SDK1: variants seen among roughly 807,000 people sequenced by gnomAD.
SDK1 encodes sidekick cell adhesion molecule 1.
A neutral mutation model predicts 245.5 loss-of-function variants in SDK1; 157 were observed. The observed-to-expected ratio is 0.64, with a 90% CI of 0.56 to 0.73. SDK1 has a LOEUF of 0.73. Among genes scored for constraint, SDK1 ranks in the 30% least tolerant of loss-of-function variants. The pLI is 0.00. For synonymous variants in SDK1, 1,647 were observed against 1,278.5 expected, an observed-to-expected ratio of 1.29 and a Z score of -6.15; for missense variants, 3,583 against 3,002.3, an observed-to-expected ratio of 1.19 and a Z score of -4.52.
At chr7:3,401,351 T>C (rs1778882553) in intron 1 of SDK1, among the ~76,000 whole-genome samples, 1 of 152,170 alleles carries the variant, frequency 6.6e-6, no homozygotes, top group Non-Finnish European at 1.5e-5. Flanking sequence ...ATTACAATTT[T>C]CCTGTTTACT....
Position 3,746,522 on chromosome 7 carries a change from C to T in SDK1, c.714-74928C>T, listed in dbSNP as rs548557550. On this transcript the variant is annotated intron_variant, in intron 4 of 44. Transcript: ENST00000404826. Reference sequence around the variant, plus strand: ...ACGTCTTCCAAAATTGGAGTCACTCCTCTCAAATCCTGCTGCTGCTTTATC... The same window carrying T: ...ACGTCTTCCAAAATTGGAGTCACTCTTCTCAAATCCTGCTGCTGCTTTATC... Among the ~76,000 whole-genome samples, 10 of 152,308 alleles carry T rather than the reference C, an allele frequency of 6.6e-5. No individual in the cohort carries two copies. The East Asian group carries it at 1.4e-3, about 21-fold the overall frequency.
chr7:3,361,519 T>C (rs1475158362), intron 1 of SDK1, among the ~76,000 whole-genome samples: 1 of 152,220 alleles, frequency 6.6e-6, no homozygotes, highest in Non-Finnish European at 1.5e-5. Context: ...CCACATCTTC[T>C]CTATTTGTTC....
At chr7:3,330,975 A>G (rs1234889298) in intron 1 of SDK1, among the ~76,000 whole-genome samples, 3 of 151,876 alleles carry the variant, frequency 2.0e-5, no homozygotes, top group African/African-American at 7.3e-5. Flanking sequence ...CTTAAAAAAC[A>G]TAAAAATAGG....
Position 4,130,046 on chromosome 7 carries a change from G to A in SDK1, c.4078G>A (p.Gly1360Arg). 1 of 1,612,860 alleles carries A rather than the reference G, an allele frequency of 6.2e-7. No individual in the cohort carries two copies. The highest frequency in any genetic ancestry group is 8.5e-7 in the Non-Finnish European group (1 of 1,179,454). Residue 1360 changes from glycine to arginine, a missense_variant, in exon 27 of 45, where the codon GGG becomes AGG. By Grantham distance (125) the Gly-to-Arg change is moderately radical (BLOSUM62 -2). Coordinates refer to ENST00000404826, the MANE Select transcript of SDK1 (RefSeq NM_152744.4). ...ELQVLAFTRI[G>R]NGVPSTPLIL... Reference sequence around the variant, plus strand: ...CCAGGTGCTGGCGTTCACCCGCATCGGGAACGGGGTCCCCAGCACGCCCCT... The same window carrying A: ...CCAGGTGCTGGCGTTCACCCGCATCAGGAACGGGGTCCCCAGCACGCCCCT...
In SDK1 at chr7:3,385,462, T is replaced by C. The variant is rs563891672; in HGVS notation, c.298+83578T>C. ...ATATTTTTTTACTGTTAGCAGACAA[T>C]AATTTTTTTTCTACTGTTTAAAAAC... On this transcript the variant is annotated intron_variant, in intron 1 of 44. Transcript: ENST00000404826. 2.0e-5 allele frequency among the ~76,000 whole-genome samples: 3 copies of C among 152,224 alleles called. No homozygotes were observed. In the South Asian group the frequency reaches 6.2e-4, roughly 32 times the overall value.
chr7:3,596,072 G>A (rs991045540), intron 1 of SDK1, among the ~76,000 whole-genome samples: 7 of 151,618 alleles, frequency 4.6e-5, no homozygotes, highest in African/African-American at 1.5e-4. Context: ...TAATTGTTAG[G>A]TAGCACAGAT....
rs184216333 is a variant in SDK1 at position 4,091,862 on chromosome 7, C to A, written c.3324+12278C>A. 3.0e-3 allele frequency among the ~76,000 whole-genome samples: 461 copies of A among 152,226 alleles called. 3 individuals are homozygous for A. The highest frequency in any genetic ancestry group is 0.011 in the African/African-American group (446 of 41,530). ...CAGCCCCCTCTTCTCATTCTTAATG[C>A]CGGAATTCTGGCCACACGTTCTTCT... On this transcript the variant is annotated intron_variant, in intron 22 of 44. Coordinates refer to ENST00000404826, the MANE Select transcript of SDK1 (RefSeq NM_152744.4).
At chr7:3,826,964 C>T (rs1779790736) in intron 5 of SDK1, among the ~76,000 whole-genome samples, 1 of 152,162 alleles carries the variant, frequency 6.6e-6, no homozygotes, top group African/African-American at 2.4e-5. Flanking sequence ...ATTCTCTCCT[C>T]ACCCCACAAG....
At chr7:3,728,692 A>G (rs527660105) in intron 4 of SDK1, among the ~76,000 whole-genome samples, 1 of 152,078 alleles carries the variant, frequency 6.6e-6, no homozygotes, top group East Asian at 1.9e-4. Flanking sequence ...TGTATCCTCC[A>G]CCTCCTGGGC....
chr7:4,005,645 T>C (rs541471277), intron 14 of SDK1, among the ~76,000 whole-genome samples: 1 of 152,210 alleles, frequency 6.6e-6, no homozygotes, highest in Non-Finnish European at 1.5e-5. Flanking sequence ...CCAAGCGGGT[T>C]TCTGTGGCTA....
intron 1 of SDK1, among the ~76,000 whole-genome samples, chr7:3,332,282 T>G (rs1304546922): frequency 1.3e-5 from 2 of 152,196 alleles, no homozygotes; most frequent in African/African-American, 4.8e-5. Flanking sequence ...GGCTTACTTA[T>G]AAGTGTGACT....
chr7:4,198,790 CTTTTTCTTTCT>C (rs1197218640), intron 35 of SDK1, among the ~76,000 whole-genome samples: 1 of 149,006 alleles, frequency 6.7e-6, no homozygotes, highest in African/African-American at 2.5e-5. Context: ...CCTCAGCTTT[CTTTTTCTTTCT>C]TTTTTCTTTG....
chr7:3,502,882 T>A (rs971196194), intron 1 of SDK1, among the ~76,000 whole-genome samples: 1 of 152,196 alleles, frequency 6.6e-6, no homozygotes, highest in Non-Finnish European at 1.5e-5. Context: ...AACATACTTT[T>A]CTTGGCCATA....
rs766496246 is a variant in SDK1, at chr7:3,959,050, A to G, written c.1234+36A>G. 13 of 1,502,398 alleles carry G rather than the reference A, an allele frequency of 8.7e-6. No homozygotes were observed. In the South Asian group the frequency reaches 1.5e-4, roughly 17 times the overall value. The allele number at this position is 1,502,398 out of a possible 1,614,324, so 93.1% of individuals were successfully genotyped here. On this transcript the variant is annotated intron_variant, in intron 8 of 44. Coordinates refer to ENST00000404826, the MANE Select transcript of SDK1 (RefSeq NM_152744.4). ...AGTGGCTGCTGGACAAGGAGCCATGACTGGGAGGAAGGGAAACAACCTTTT... is the reference window on the plus strand; with the variant it reads ...AGTGGCTGCTGGACAAGGAGCCATGGCTGGGAGGAAGGGAAACAACCTTTT...
intron 1 of SDK1, among the ~76,000 whole-genome samples, chr7:3,438,445 CG>C (rs1780094057): frequency 6.6e-6 from 1 of 152,122 alleles, no homozygotes; most frequent in African/African-American, 2.4e-5. Context: ...ATAAATGTTA[CG>C]TTTTCTGTGG....
intron 1 of SDK1, among the ~76,000 whole-genome samples, chr7:3,414,838 G>T (rs79406884): frequency 0.051 from 7,815 of 151,822 alleles, 538 homozygotes; most frequent in African/African-American, 0.16. Context: ...TGTTTTTTTT[G>T]GTGTGATTCT....
intron 7 of SDK1, 54 bp downstream of exon 7, chr7:3,951,974 C>T: frequency 6.7e-7 from 1 of 1,481,526 alleles, no homozygotes; most frequent in Non-Finnish European, 9.2e-7. Flanking sequence ...GCATCCGACA[C>T]TGACTCTTCT....
chr7:4,077,426 C>T (rs1169271284), intron 21 of SDK1, among the ~76,000 whole-genome samples: 1 of 152,212 alleles, frequency 6.6e-6, no homozygotes. Context: ...TGGCCTCAGC[C>T]AGTTCCCAGA....
In SDK1 at chr7:3,322,340, A is replaced by G. The variant is rs534271093; in HGVS notation, c.298+20456A>G. ...TCATATCTTTTTATGACTGAATAAT[A>G]TTCCATTGTATGTATGTGCCACAGT... On this transcript the variant is annotated intron_variant, in intron 1 of 44. Coordinates refer to ENST00000404826, the MANE Select transcript of SDK1 (RefSeq NM_152744.4). Among the ~76,000 whole-genome samples the G allele has an allele frequency of 4.6e-5, 7 of 152,324 alleles. No individual in the cohort carries two copies. In the East Asian group the frequency reaches 1.3e-3, roughly 29 times the overall value.
Sources: gnomAD v4.1 joint callset for allele counts (sites outside exome capture counted in the v4.1 genomes callset) on GRCh38, gnomAD v4.1.1 for gene constraint, MANE v1.5 for transcripts, NCBI Gene and HGNC (gene_info 2026-07-23, HGNC 2026-07-21) for gene names.